EHMT1: variants seen among roughly 807,000 people sequenced by gnomAD.
The protein encoded by EHMT1 is histone-lysine N-methyltransferase EHMT1.
Under a neutral mutation model 147.2 loss-of-function variants are expected in EHMT1, and 15 were observed. The observed-to-expected ratio is 0.10, with a 90% CI of 0.07 to 0.16. The LOEUF (loss-of-function observed/expected upper bound fraction) is 0.16. EHMT1 is among the 10% of genes least tolerant of loss of function. The pLI is 1.00. For missense variants in EHMT1, 1,587 were observed against 1,772.4 expected (o/e 0.90, Z 1.88); for synonymous variants, 795 against 709.6 (o/e 1.12, Z -1.91).
chr9:137,768,985 C>G (rs1950426422), intron 10 of EHMT1, among the ~76,000 whole-genome samples: 1 of 152,212 alleles, frequency 6.6e-6, no homozygotes, highest in Non-Finnish European at 1.5e-5. Context: ...CCACACCCAG[C>G]CTTTTCTGCA....
rs777540182 is a variant in EHMT1, at chr9:137,787,819, C to T, written c.2383-3029C>T. 132 of 930,862 alleles carry T rather than the reference C, an allele frequency of 1.4e-4. No individual in the cohort carries two copies. The Middle Eastern group carries it at 1.8e-3, about 13-fold the overall frequency. 57.7% of individuals were successfully genotyped at this position (930,862 alleles called of 1,614,324 possible). On this transcript the variant is annotated intron_variant, in intron 15 of 26. Transcript: ENST00000460843. The surrounding 1 kb of genome is among the most constrained non-coding windows in gnomAD (Gnocchi z 4.2). Reference sequence around the variant, plus strand: ...GGGGGCCCTCAGGTTTCAGGGGCCACCCCCCAGTAGGCAGAGCTGGTTGAC... The same window carrying T: ...GGGGGCCCTCAGGTTTCAGGGGCCATCCCCCAGTAGGCAGAGCTGGTTGAC...
Position 137,717,397 on chromosome 9 carries a change from G to A in EHMT1, c.642+215G>A. The A allele has an allele frequency of 7.4e-6, 5 of 671,942 alleles. 1 individual carries two copies. Among genetic ancestry groups the A allele is most frequent in the South Asian group, 7.2e-5 (4 of 55,210 alleles). 41.6% of individuals were successfully genotyped at this position (671,942 alleles called of 1,614,324 possible). A position where few individuals can be genotyped will look rare whatever the true frequency, so the allele number is the denominator to read the frequency against. On this transcript the variant is annotated intron_variant, in intron 3 of 26. Coordinates refer to ENST00000460843, the MANE Select transcript of EHMT1 (RefSeq NM_024757.5). ...GCGGGTGGATTGCTTGAGCCTAGGA[G>A]TTTGAGACCAGCCTGGGCAGCGTGG...
intron 1 of EHMT1, among the ~76,000 whole-genome samples, chr9:137,642,005 A>T (rs991926943): frequency 6.7e-6 from 1 of 149,674 alleles, no homozygotes; most frequent in Admixed American, 6.7e-5. Context: ...ATGCCTGGCT[A>T]ATTTTTGTAT....
intron 1 of EHMT1, among the ~76,000 whole-genome samples, chr9:137,672,545 G>A (rs530439897): frequency 1.2e-4 from 18 of 152,388 alleles, no homozygotes; most frequent in Non-Finnish European, 2.2e-4. Flanking sequence ...GGGGTACTCA[G>A]TGTGTTTAGA....
At chr9:137,630,432 C>T (rs1843553897) in intron 1 of EHMT1, among the ~76,000 whole-genome samples, 1 of 152,124 alleles carries the variant, frequency 6.6e-6, no homozygotes, top group South Asian at 2.1e-4. Flanking sequence ...TTTCCTTTAA[C>T]AGCTTCTTGT....
chr9:137,698,936 T>TA (rs1815013380), intron 1 of EHMT1, among the ~76,000 whole-genome samples: 1 of 149,512 alleles, frequency 6.7e-6, no homozygotes, highest in South Asian at 2.1e-4. Flanking sequence ...CATTGTTTAT[T>TA]TAAAAAAAAA....
At chr9:137,622,446 A>C (rs974126657) in intron 1 of EHMT1, among the ~76,000 whole-genome samples, 22 of 152,130 alleles carry the variant, frequency 1.4e-4, no homozygotes, top group African/African-American at 4.3e-4. Flanking sequence ...TCTAGAGAAG[A>C]AGCAGCCCAC....
At chr9:137,672,893 T>C (rs1940843523) in intron 1 of EHMT1, among the ~76,000 whole-genome samples, 1 of 152,230 alleles carries the variant, frequency 6.6e-6, no homozygotes, top group African/African-American at 2.4e-5. Context: ...GAATGTGGTC[T>C]TCTACCAGGA....
intron 3 of EHMT1, among the ~76,000 whole-genome samples, chr9:137,721,324 C>T (rs111596525): frequency 0.15 from 2,706 of 18,154 alleles, no homozygotes; most frequent in Middle Eastern, 0.29. Flanking sequence ...TCACACTCAC[C>T]CCTCCCAGAC....
At chr9:137,621,744 G>A (rs1842948666) in intron 1 of EHMT1, among the ~76,000 whole-genome samples, 1 of 152,120 alleles carries the variant, frequency 6.6e-6, no homozygotes, top group Admixed American at 6.5e-5. Context: ...AGATCCTAGG[G>A]TTCCTTTGAC....
At chr9:137,712,090 C>T (rs1944790833) in intron 2 of EHMT1, among the ~76,000 whole-genome samples, 1 of 152,226 alleles carries the variant, frequency 6.6e-6, no homozygotes, top group African/African-American at 2.4e-5. Flanking sequence ...CGCCATCCAC[C>T]TCCTGCAGCC....
In EHMT1 at chr9:137,635,737, A is replaced by G. The variant is rs555847356; in HGVS notation, c.21+16688A>G. 4.8e-3 allele frequency among the ~76,000 whole-genome samples: 722 copies of G among 150,656 alleles called. 1 individual carries two copies. The highest frequency in any genetic ancestry group is 0.01 in the Middle Eastern group (3 of 290). On this transcript the variant is annotated intron_variant, in intron 1 of 26. Transcript: ENST00000460843. ...CGGGAGGCTGAGGCAGGAGAATGGC[A>G]TGAACCTGGGAGGCGGAGCTTGCAG...
In EHMT1 at chr9:137,731,738, G is replaced by A. The variant is rs1438843296; in HGVS notation, c.823+3209G>A. On this transcript the variant is annotated intron_variant, in intron 4 of 26. Coordinates refer to ENST00000460843, the MANE Select transcript of EHMT1 (RefSeq NM_024757.5). This position sits in a 1 kb window ranked among gnomAD's most constrained non-coding sequence, Gnocchi z 4.3. ...CAGGCTGTACTTGGCTCATGCTACC[G>A]GCCCAGATCCCACACCTTCCGAGGG... Among the ~76,000 whole-genome samples the A allele has an allele frequency of 2.0e-5, 3 of 152,058 alleles. No homozygotes were observed. Among genetic ancestry groups the A allele is most frequent in the South Asian group, 2.1e-4 (1 of 4,826 alleles).
intron 8 of EHMT1, among the ~76,000 whole-genome samples, chr9:137,756,167 T>G (rs569396279): frequency 1.8e-4 from 28 of 152,360 alleles, no homozygotes; most frequent in Non-Finnish European, 2.2e-4. Context: ...TCTTGGCATC[T>G]GCAGGCTCCG....
intron 14 of EHMT1, among the ~76,000 whole-genome samples, chr9:137,781,049 G>A (rs554264433): frequency 1.4e-5 from 2 of 143,838 alleles, no homozygotes; most frequent in African/African-American, 2.7e-5. Context: ...TGATGACGCC[G>A]AGACGTGTGG....
At chr9:137,665,477 G>A (rs1188990547) in intron 1 of EHMT1, among the ~76,000 whole-genome samples, 3 of 152,174 alleles carry the variant, frequency 2.0e-5, no homozygotes, top group Non-Finnish European at 4.4e-5. Flanking sequence ...CAGGAGCTCC[G>A]GTGGGAGGTG....
chr9:137,796,243 G>A (rs566984499), intron 16 of EHMT1, among the ~76,000 whole-genome samples: 6 of 152,302 alleles, frequency 3.9e-5, no homozygotes, highest in Non-Finnish European at 5.9e-5. Flanking sequence ...ACGGGGAAGC[G>A]TCTTTTAAGA....
chr9:137,771,661 G>T (rs903357905), intron 10 of EHMT1, among the ~76,000 whole-genome samples: 1 of 144,104 alleles, frequency 6.9e-6, no homozygotes, highest in Non-Finnish European at 1.5e-5. Flanking sequence ...GGAGATGGGG[G>T]TGCTGGGGTC....
intron 1 of EHMT1, among the ~76,000 whole-genome samples, chr9:137,679,720 T>G (rs984462939): frequency 6.6e-6 from 1 of 152,228 alleles, no homozygotes; most frequent in Non-Finnish European, 1.5e-5. Context: ...CTTAGCCAAA[T>G]ACATTGGATA....
Sources: gnomAD v4.1 joint callset for allele counts (sites outside exome capture counted in the v4.1 genomes callset) on GRCh38, gnomAD v4.1.1 for gene constraint, Gnocchi (gnomAD v3.1) non-coding constraint, MANE v1.5 for transcripts, NCBI Gene and HGNC (gene_info 2026-07-23, HGNC 2026-07-21) for gene names.